LRMDA: variants seen among roughly 807,000 people sequenced by gnomAD.
The protein encoded by LRMDA is leucine rich melanocyte differentiation associated.
Under a neutral mutation model 29.8 loss-of-function variants are expected in LRMDA, and 18 were observed. The observed-to-expected ratio is 0.60, with a 90% confidence interval of 0.42 to 0.90. The LOEUF (loss-of-function observed/expected upper bound fraction) is 0.90, where lower values mean the gene tolerates loss of function less well. LRMDA is among the 40% of genes least tolerant of loss of function. LRMDA has a pLI of 0.00. For synonymous variants in LRMDA, 125 were observed against 109.4 expected (o/e 1.14, Z -0.89); for missense variants, 273 against 273.9 (o/e 1.00, Z 0.02).
At chr10:75,693,123 C>G (rs1003952944) in intron 2 of LRMDA, among the ~76,000 whole-genome samples, 2 of 152,118 alleles carry the variant, frequency 1.3e-5, no homozygotes, top group African/African-American at 4.8e-5. Flanking sequence ...TAATATAGTG[C>G]TTGGCTGGTG....
intron 2 of LRMDA, among the ~76,000 whole-genome samples, chr10:75,924,504 G>A (rs905720663): frequency 6.6e-6 from 1 of 152,204 alleles, no homozygotes; most frequent in African/African-American, 2.4e-5. Context: ...TGCGTGCTGA[G>A]GGGGAGAGAA....
At chr10:75,763,516 G>A (rs1044832709) in intron 2 of LRMDA, among the ~76,000 whole-genome samples, 1 of 152,160 alleles carries the variant, frequency 6.6e-6, no homozygotes, top group Non-Finnish European at 1.5e-5. Flanking sequence ...CCTTCAAGGA[G>A]TTATACACAG....
At position 76,352,728 on chromosome 10, in the gene LRMDA, T is replaced by C. The variant is rs139811284; in HGVS notation, c.601+28243T>C. Among the ~76,000 whole-genome samples, 11 of 152,266 alleles carry C rather than the reference T, an allele frequency of 7.2e-5. No individual in the cohort carries two copies. In the East Asian group the frequency reaches 1.5e-3, roughly 21 times the overall value. Reference sequence around the variant, plus strand: ...CTGCTGCTGTTTCTATTATTATTATTATCAATAGTGTTGTTATTTTTGTCT... The same window carrying C: ...CTGCTGCTGTTTCTATTATTATTATCATCAATAGTGTTGTTATTTTTGTCT... On this transcript the variant is annotated intron_variant, in intron 6 of 6. Transcript: ENST00000611255.
intron 2 of LRMDA, among the ~76,000 whole-genome samples, chr10:75,642,309 T>C (rs895145193): frequency 6.6e-6 from 1 of 152,218 alleles, no homozygotes; most frequent in Non-Finnish European, 1.5e-5. Context: ...GTATCCAGAC[T>C]TGAATCCCTG....
intron 6 of LRMDA, among the ~76,000 whole-genome samples, chr10:76,542,342 AG>A (rs1843367341): frequency 6.6e-6 from 1 of 151,704 alleles, no homozygotes; most frequent in Non-Finnish European, 1.5e-5. Flanking sequence ...TTTGGAGGGG[AG>A]GGGGTTATCT....
intron 2 of LRMDA, among the ~76,000 whole-genome samples, chr10:75,950,554 C>T (rs968920025): frequency 6.6e-6 from 1 of 152,178 alleles, no homozygotes; most frequent in African/African-American, 2.4e-5. Context: ...CCTTTCATTC[C>T]TGCTTGTTTA....
chr10:76,077,199 G>T (rs1848974244), intron 5 of LRMDA, among the ~76,000 whole-genome samples: 1 of 152,164 alleles, frequency 6.6e-6, no homozygotes, highest in Non-Finnish European at 1.5e-5. Flanking sequence ...TTCATGTCCT[G>T]GTTCTGTTGA....
chr10:75,721,191 C>A (rs1250266584), intron 2 of LRMDA, among the ~76,000 whole-genome samples: 1 of 152,126 alleles, frequency 6.6e-6, no homozygotes, highest in Non-Finnish European at 1.5e-5. Context: ...TCAAAGCCAT[C>A]CAAGCTCTGG....
intron 2 of LRMDA, among the ~76,000 whole-genome samples, chr10:75,899,112 C>G (rs376080253): frequency 1.3e-5 from 2 of 152,138 alleles, no homozygotes; most frequent in African/African-American, 4.8e-5. Context: ...TTTGACTTCT[C>G]GCTTATAGTA....
intron 2 of LRMDA, among the ~76,000 whole-genome samples, chr10:75,872,598 C>T (rs1267170166): frequency 6.6e-6 from 1 of 152,194 alleles, no homozygotes. Flanking sequence ...GCCACTGTGC[C>T]TGGCTGATTT....
chr10:76,158,548 T>C (rs963093676), intron 5 of LRMDA, among the ~76,000 whole-genome samples: 19 of 152,188 alleles, frequency 1.2e-4, no homozygotes, highest in African/African-American at 3.9e-4. Flanking sequence ...GAGAACGTAC[T>C]ACGAAGAAAC....
chr10:76,096,959 ATTT>A (rs528474182), intron 5 of LRMDA, among the ~76,000 whole-genome samples: 3 of 148,834 alleles, frequency 2.0e-5, no homozygotes, highest in Admixed American at 6.7e-5. Flanking sequence ...GTAAATTGAG[ATTT>A]TTTTTTTCAA....
At chr10:75,611,488 C>T (rs1841031143) in intron 2 of LRMDA, among the ~76,000 whole-genome samples, 1 of 152,206 alleles carries the variant, frequency 6.6e-6, no homozygotes, top group Admixed American at 6.5e-5. Flanking sequence ...CAAGCCAAAA[C>T]TCCATACCCA....
chr10:76,116,740 A>G (rs565143916), intron 5 of LRMDA, among the ~76,000 whole-genome samples: 24 of 152,126 alleles, frequency 1.6e-4, no homozygotes, highest in Non-Finnish European at 2.6e-4. Flanking sequence ...GTTTTGATTG[A>G]CAGGAGTCCT....
At chr10:75,997,270 A>G (rs1847485194) in intron 2 of LRMDA, among the ~76,000 whole-genome samples, 2 of 152,312 alleles carry the variant, frequency 1.3e-5, no homozygotes, top group East Asian at 3.9e-4. Flanking sequence ...ATCCTTCTAT[A>G]AAGATACTAT....
intron 3 of LRMDA, 39 bp downstream of exon 3, chr10:76,036,173 A>G: frequency 8.3e-7 from 1 of 1,206,358 alleles, no homozygotes; most frequent in Non-Finnish European, 1.1e-6. Context: ...CTCCCCACCC[A>G]GCCCCACAGT....
intron 6 of LRMDA, among the ~76,000 whole-genome samples, chr10:76,379,161 T>TTGTGTGTGTGTGTGTG (rs57245101): frequency 5.1e-5 from 7 of 137,856 alleles, no homozygotes; most frequent in South Asian, 4.9e-4. Flanking sequence ...CTGGCCTTCT[T>TTGTGTGTGTGTGTGTG]TGTGTGTGTG....
At chr10:75,475,841 A>G (rs1400014306) in intron 2 of LRMDA, among the ~76,000 whole-genome samples, 1 of 152,176 alleles carries the variant, frequency 6.6e-6, no homozygotes, top group Admixed American at 6.5e-5. Flanking sequence ...AAAATGATTT[A>G]TACCACTTTT....
In LRMDA at chr10:75,691,683, A is replaced by G. The variant is rs371245882; in HGVS notation, c.131+253189A>G. On this transcript the variant is annotated intron_variant, in intron 2 of 6. Transcript: ENST00000611255. ...TCTGCTCTGAGTTTTTTCTCTGATT[A>G]AAAGGAGTCAGCTTCCTCATCAAGA... Among the ~76,000 whole-genome samples the G allele has an allele frequency of 5.2e-4, 79 of 152,098 alleles. No individual in the cohort carries two copies. In the East Asian group the frequency reaches 9.9e-3, roughly 19 times the overall value.
Sources: allele counts gnomAD v4.1 joint callset (sites outside exome capture counted in the v4.1 genomes callset), GRCh38; gene constraint gnomAD v4.1.1; transcripts MANE v1.5; gene names NCBI Gene and HGNC (gene_info 2026-07-23, HGNC 2026-07-21).